ZSCAN5A: variants seen among roughly 807,000 people sequenced by gnomAD.
ZSCAN5A encodes the protein zinc finger and SCAN domain-containing protein 5A.
In ZSCAN5A, 12 loss-of-function variants were observed where a neutral mutation model predicts 23.7. The ratio of observed to expected loss-of-function variants is 0.51; its 90% confidence interval spans 0.32 to 0.82. The LOEUF is 0.82. Ranked by LOEUF, ZSCAN5A falls within the 40% of genes least tolerant of loss-of-function variation. The pLI, the probability that ZSCAN5A is intolerant of heterozygous loss-of-function variation, is 0.03. For missense variants in ZSCAN5A, 597 were observed against 617.9 expected, an observed-to-expected ratio of 0.97 and a Z score of 0.36; for synonymous variants, 257 against 239.9, an observed-to-expected ratio of 1.07 and a Z score of -0.66.
At chr19:56,237,747 C>G (rs1456906427) in intron 2 of ZSCAN5A, among the ~76,000 whole-genome samples, 3 of 151,764 alleles carry the variant, frequency 2.0e-5, no homozygotes, top group Non-Finnish European at 2.9e-5. Flanking sequence ...TGGCGAAACC[C>G]CGTCTCTACA....
intron 2 of ZSCAN5A, among the ~76,000 whole-genome samples, chr19:56,322,840 A>T (rs2041390822): frequency 6.6e-6 from 1 of 152,054 alleles, no homozygotes; most frequent in Non-Finnish European, 1.5e-5. Context: ...ATGCTATGTA[A>T]ATAGTTGTTA....
intron 2 of ZSCAN5A, among the ~76,000 whole-genome samples, chr19:56,300,550 C>G (rs548192370): frequency 3.9e-5 from 6 of 152,196 alleles, no homozygotes; most frequent in Non-Finnish European, 8.8e-5. Flanking sequence ...AAAACACCCT[C>G]CTGGGTCATA....
chr19:56,222,429 C>T, intron 5 of ZSCAN5A, 103 bp from the exon 6 acceptor site: 5 of 1,565,790 alleles, frequency 3.2e-6, no homozygotes, highest in South Asian at 2.5e-5. Context: ...TCCGCTCAAG[C>T]TCAAGCCTAA....
rs796618887 is a variant in ZSCAN5A, at chr19:56,233,497, C to T, written c.-127-8324G>A. Among the ~76,000 whole-genome samples the T allele has an allele frequency of 3.9e-5, 6 of 152,138 alleles. 1 individual carries two copies. The highest frequency in any genetic ancestry group is 1.9e-4 in the East Asian group (1 of 5,174). Reference sequence around the variant, plus strand: ...TCCATTGTTTGATGAGCCATCCTGGCGGTGGGTGGATCATTCACTTCTAAA... The same window carrying T: ...TCCATTGTTTGATGAGCCATCCTGGTGGTGGGTGGATCATTCACTTCTAAA... On this transcript the variant is annotated intron_variant, in intron 2 of 5. Coordinates refer to ENST00000683990, the MANE Select transcript of ZSCAN5A (RefSeq NM_001322064.3).
At chr19:56,252,024 A>C (rs1401126062) in intron 2 of ZSCAN5A, among the ~76,000 whole-genome samples, 1 of 152,234 alleles carries the variant, frequency 6.6e-6, no homozygotes, top group Non-Finnish European at 1.5e-5. Context: ...TGACCACAAC[A>C]TGGGCCTAAC....
chr19:56,314,624 G>A (rs1459787119), intron 1 of ZSCAN5A, 57 bp downstream of exon 1: 2 of 147,276 alleles, frequency 1.4e-5, no homozygotes, highest in African/African-American at 4.9e-5. Context: ...ACCCACCCCA[G>A]TCCGGCCTCC....
chr19:56,224,750 C>T lies in ZSCAN5A; in HGVS notation c.297G>A (p.Glu99=). Residue 99 remains glutamate, a synonymous_variant, in exon 3 of 6, where the codon GAG becomes GAA. Coordinates refer to ENST00000683990, the MANE Select transcript of ZSCAN5A (RefSeq NM_001322064.3). ...MEQFMISMPQ[E]LQVLVMMNGV... ...CGTTCATCATGACTAAGACCTGGAG[C>T]TCCTGGGGCATGGAGATCATGAACT... The T allele has an allele frequency of 6.2e-7, 1 of 1,602,746 alleles. No homozygotes were observed. Among genetic ancestry groups the T allele is most frequent in the Non-Finnish European group, 8.5e-7 (1 of 1,172,346 alleles).
chr19:56,243,271 G>T (rs933665093), intron 2 of ZSCAN5A, among the ~76,000 whole-genome samples: 1 of 152,202 alleles, frequency 6.6e-6, no homozygotes, highest in Admixed American at 6.5e-5. Flanking sequence ...GGGCTGATGA[G>T]ACAATTCTGG....
At chr19:56,360,184 C>G (rs2041725925) in intron 2 of ZSCAN5A, among the ~76,000 whole-genome samples, 1 of 152,160 alleles carries the variant, frequency 6.6e-6, no homozygotes, top group Non-Finnish European at 1.5e-5. Context: ...CCCATCAACT[C>G]AGCCCAAAAA....
In ZSCAN5A at chr19:56,222,716, C is replaced by A; in HGVS notation, c.614G>T (p.Ser205Ile). The A allele has an allele frequency of 6.2e-7, 1 of 1,614,160 alleles. No individual in the cohort carries two copies. Among genetic ancestry groups the A allele is most frequent in the Middle Eastern group, 1.6e-4 (1 of 6,062 alleles). The stretch of plus-strand genomic sequence containing the variant: ...CTTTGGGTCACCTGTTACGTCAATA[C>A]TCTTGTGTAGCAGAAAGTCCTCTCC... ...RQGEDFLLHK[S>I]IDVTGDPKSL... The change falls in exon 5 of 6, where the codon AGT becomes ATT. Residue 205 changes from serine to isoleucine, a missense_variant. Physicochemically the swap from Ser to Ile is moderately radical, Grantham distance 142. Around this residue, in one of 5 missense-constraint regions of ZSCAN5A, gnomAD observed 406 missense variants for 353.2 expected, o/e 1.15. Transcript: ENST00000683990.
At position 56,358,057 on chromosome 19, in the gene ZSCAN5A, G is replaced by A. The variant is rs1255834430; in HGVS notation, c.-358+5178C>T. ...GGTAAAAACTTTAATTCAGCAAAAA[G>A]AGCCAACTATCATAAATATATATTC... On this transcript the variant is annotated intron_variant, in intron 2 of 6. Transcript: ENST00000587340. 3.4e-5 allele frequency among the ~76,000 whole-genome samples: 5 copies of A among 148,920 alleles called. 1 individual carries two copies. Among genetic ancestry groups the A allele is most frequent in the African/African-American group, 1.3e-4 (5 of 39,540 alleles).
intron 2 of ZSCAN5A, among the ~76,000 whole-genome samples, chr19:56,277,950 TAAATA>T (rs976426565): frequency 5.9e-5 from 9 of 152,162 alleles, no homozygotes; most frequent in African/African-American, 2.2e-4. Flanking sequence ...CATACTGACA[TAAATA>T]AAATGTTTTA....
chr19:56,315,314 C>T (rs1478084037), upstream of ZSCAN5A: 1 of 152,300 alleles, frequency 6.6e-6, no homozygotes, highest in Non-Finnish European at 1.5e-5. Flanking sequence ...GTCCGTGAAG[C>T]CTAGAGATTC....
intron 1 of ZSCAN5A, chr19:56,367,508 G>A (rs2147475400): frequency 6.6e-6 from 1 of 152,310 alleles, no homozygotes; most frequent in South Asian, 2.1e-4. Flanking sequence ...AATTTGAACT[G>A]CCATCAGTGA....
chr19:56,245,758 G>C (rs1423992714), intron 2 of ZSCAN5A, among the ~76,000 whole-genome samples: 2 of 152,058 alleles, frequency 1.3e-5, no homozygotes, highest in African/African-American at 4.8e-5. Flanking sequence ...TCAGCAAGGA[G>C]CGCACTTTCT....
intron 2 of ZSCAN5A, chr19:56,246,584 C>T (rs1239909611): frequency 2.4e-5 from 16 of 661,150 alleles, no homozygotes; most frequent in Middle Eastern, 2.9e-4. Flanking sequence ...GCCTCTCCAT[C>T]CCTTACTCTC....
chr19:56,334,485 A>G (rs1194960975), intron 2 of ZSCAN5A, among the ~76,000 whole-genome samples: 1 of 152,136 alleles, frequency 6.6e-6, no homozygotes, highest in African/African-American at 2.4e-5. Context: ...CTGTGGGTAC[A>G]TAGTAGGTGT....
At chr19:56,273,470 T>C (rs62122533) in intron 2 of ZSCAN5A, among the ~76,000 whole-genome samples, 64,981 of 151,702 alleles carry the variant, frequency 0.43, 15,297 homozygotes, top group Non-Finnish European at 0.53. Flanking sequence ...GTGATGAAAA[T>C]AGTTCTGTCT....
At chr19:56,333,822 A>G (rs2041510905) in intron 2 of ZSCAN5A, among the ~76,000 whole-genome samples, 1 of 151,936 alleles carries the variant, frequency 6.6e-6, no homozygotes, top group Admixed American at 6.6e-5. Flanking sequence ...GTATGCTCAC[A>G]CCTTCTAGGG....
Sources: allele counts gnomAD v4.1 joint callset (sites outside exome capture counted in the v4.1 genomes callset), GRCh38; gene constraint gnomAD v4.1.1; regional missense constraint gnomAD v4.1.1; transcripts MANE v1.5; gene names NCBI Gene and HGNC (gene_info 2026-07-23, HGNC 2026-07-21).